The following DRC8 variants were observed in gnomAD, a reference collection of about 807,000 sequenced individuals.
The protein encoded by DRC8 is dynein regulatory complex subunit 8.
At chr1:245,019,420 C>A in the DRC8 span, among the ~76,000 whole-genome samples, 1 of 152,180 alleles carries the variant, frequency 6.6e-6, no homozygotes, top group African/African-American at 2.4e-5. Context: ...TAGGGTCTTA[C>A]TCTGTCCTCC....
the DRC8 span, among the ~76,000 whole-genome samples, chr1:245,070,731 A>G: frequency 6.6e-6 from 1 of 152,278 alleles, no homozygotes; most frequent in Non-Finnish European, 1.5e-5. Context: ...CTTAATTGCC[A>G]TGTTTCTATG....
At chr1:245,107,838 G>T in the DRC8 span, among the ~76,000 whole-genome samples, 1 of 152,136 alleles carries the variant, frequency 6.6e-6, no homozygotes. Flanking sequence ...AAGCACAGTT[G>T]TGCTGGGCAC....
At chr1:245,055,072 G>A in the DRC8 span, among the ~76,000 whole-genome samples, 2 of 152,134 alleles carry the variant, frequency 1.3e-5, no homozygotes, top group African/African-American at 2.4e-5. Context: ...AACAGAACAG[G>A]GGATATCTAC....
the DRC8 span, among the ~76,000 whole-genome samples, chr1:245,003,949 T>G: frequency 6.6e-6 from 1 of 152,044 alleles, no homozygotes; most frequent in Non-Finnish European, 1.5e-5. Flanking sequence ...AGGCTAGACT[T>G]GAACTCCTGG....
the DRC8 span, among the ~76,000 whole-genome samples, chr1:244,994,673 C>T: frequency 0.022 from 3,348 of 152,218 alleles, 141 homozygotes; most frequent in African/African-American, 0.077. Flanking sequence ...CGTGATCTGC[C>T]GGCCTCAGCC....
the DRC8 span, among the ~76,000 whole-genome samples, chr1:244,987,641 A>ATTT: frequency 9.2e-4 from 137 of 148,204 alleles, 1 homozygote; most frequent in Middle Eastern, 3.5e-3. Context: ...TGGATTCTTG[A>ATTT]TTTTTTTTTT....
At chr1:244,990,598 CTTTTCG>C in the DRC8 span, among the ~76,000 whole-genome samples, 1 of 152,136 alleles carries the variant, frequency 6.6e-6, no homozygotes, top group Admixed American at 6.6e-5. Flanking sequence ...ATTGGAAGCT[CTTTTCG>C]CTGGCTCCTA....
At chr1:245,116,939 C>T in the DRC8 span, among the ~76,000 whole-genome samples, 4 of 152,224 alleles carry the variant, frequency 2.6e-5, no homozygotes, top group East Asian at 1.9e-4. Flanking sequence ...ATGTAAAAGC[C>T]TGTAAGCCCT....
chr1:245,078,460 T>TAC, the DRC8 span, among the ~76,000 whole-genome samples: 4,570 of 34,048 alleles, frequency 0.13, 138 homozygotes, highest in East Asian at 0.31. Flanking sequence ...ATAGTATATG[T>TAC]ACACACACAC....
At chr1:244,970,406 G>A in the DRC8 span, 7 of 1,539,094 alleles carry the variant, frequency 4.5e-6, no homozygotes, top group Admixed American at 5.8e-5. Flanking sequence ...CAGGCGACCG[G>A]CTCCGCAGCA....
At chr1:245,114,569 T>G in the DRC8 span, among the ~76,000 whole-genome samples, 2 of 152,158 alleles carry the variant, frequency 1.3e-5, no homozygotes, top group Non-Finnish European at 2.9e-5. Flanking sequence ...CAGCAGCCGG[T>G]TCCTGCCAGT....
At chr1:245,092,735 A>C in the DRC8 span, among the ~76,000 whole-genome samples, 1 of 152,156 alleles carries the variant, frequency 6.6e-6, no homozygotes. Flanking sequence ...ATATTGAATG[A>C]AAGTGTGGGA....
chr1:244,970,007 C>A, the DRC8 span: 6 of 548,990 alleles, frequency 1.1e-5, no homozygotes, highest in Non-Finnish European at 1.9e-5. Flanking sequence ...AATCGAGCAA[C>A]GCCACGTCGC....
the DRC8 span, among the ~76,000 whole-genome samples, chr1:245,017,850 T>C: frequency 5.3e-5 from 8 of 152,092 alleles, no homozygotes; most frequent in African/African-American, 1.9e-4. Flanking sequence ...AGCTTGGGAC[T>C]GAAACAAAAC....
the DRC8 span, among the ~76,000 whole-genome samples, chr1:245,016,091 C>T: frequency 1.3e-5 from 2 of 149,218 alleles, no homozygotes; most frequent in Admixed American, 6.8e-5. Context: ...AAGCAATTCT[C>T]CTGCCTCAGC....
chr1:245,061,405 G>T, the DRC8 span, among the ~76,000 whole-genome samples: 3 of 152,088 alleles, frequency 2.0e-5, no homozygotes, highest in Non-Finnish European at 4.4e-5. Context: ...CTTTTTTAGG[G>T]ACATGACACA....
the DRC8 span, among the ~76,000 whole-genome samples, chr1:244,988,746 T>C: frequency 6.6e-6 from 1 of 152,226 alleles, no homozygotes; most frequent in Non-Finnish European, 1.5e-5. Flanking sequence ...CTTACTTTCC[T>C]GAGATACTAG....
At chr1:244,999,416 C>A in the DRC8 span, among the ~76,000 whole-genome samples, 3 of 152,086 alleles carry the variant, frequency 2.0e-5, no homozygotes. Flanking sequence ...AGAGCTCTTC[C>A]TTCTCTTGTT....
chr1:245,116,169 TGA>T, the DRC8 span, among the ~76,000 whole-genome samples: 1 of 151,744 alleles, frequency 6.6e-6, no homozygotes, highest in African/African-American at 2.4e-5. Flanking sequence ...ATTATAGACA[TGA>T]GCCACTGTGC....
Sources: gnomAD v4.1 joint callset for allele counts (sites outside exome capture counted in the v4.1 genomes callset) on GRCh38, gnomAD v4.1.1 for gene constraint, MANE v1.5 for transcripts, NCBI Gene and HGNC (gene_info 2026-07-23, HGNC 2026-07-21) for gene names.